The following ZNF503 variants were observed in gnomAD, a reference collection of about 807,000 sequenced individuals.
ZNF503 encodes NocA-like zinc finger 2.
Under a neutral mutation model 34.4 loss-of-function variants are expected in ZNF503, and 15 were observed. That is an observed-to-expected ratio of 0.44 (90% CI 0.29 to 0.67). The LOEUF (loss-of-function observed/expected upper bound fraction) is 0.67. Among genes scored for constraint, ZNF503 ranks in the 30% least tolerant of loss-of-function variants. The pLI is 0.13. For synonymous variants in ZNF503, 580 were observed against 456.8 expected, an observed-to-expected ratio of 1.27 and a Z score of -3.44; for missense variants, 1,007 against 926.8, an observed-to-expected ratio of 1.09 and a Z score of -1.12.
chr10:75,372,456 C>T, the ZNF503 span, among the ~76,000 whole-genome samples: 11 of 152,342 alleles, frequency 7.2e-5, no homozygotes, highest in African/African-American at 2.4e-4. Context: ...AGAGCAGAGA[C>T]AGTATCCACC....
chr10:75,304,889 G>A, the ZNF503 span, among the ~76,000 whole-genome samples: 1 of 152,050 alleles, frequency 6.6e-6, no homozygotes, highest in African/African-American at 2.4e-5. Flanking sequence ...AGAACTCACA[G>A]ATGACTCATT....
downstream of ZNF503, among the ~76,000 whole-genome samples, chr10:75,394,849 G>C (rs1843679286): frequency 6.6e-6 from 1 of 152,178 alleles, no homozygotes; most frequent in Non-Finnish European, 1.5e-5. Context: ...TCAGAAGCTG[G>C]TCCTTCTTCA....
At chr10:75,389,542 C>A in the ZNF503 span, among the ~76,000 whole-genome samples, 1 of 152,254 alleles carries the variant, frequency 6.6e-6, no homozygotes, top group East Asian at 1.9e-4. Context: ...CCAGCTTGGC[C>A]AACATGGTGA....
At chr10:75,300,294 A>G in the ZNF503 span, among the ~76,000 whole-genome samples, 1 of 152,348 alleles carries the variant, frequency 6.6e-6, no homozygotes, top group Non-Finnish European at 1.5e-5. Flanking sequence ...TATTCCCTGA[A>G]CAATTGCTGT....
In ZNF503 at chr10:75,399,483, C is replaced by T. The variant is rs557414546; in HGVS notation, c.1207G>A (p.Gly403Ser). 1.3e-6 allele frequency: 2 copies of T among 1,575,840 alleles called. No homozygotes were observed. Among genetic ancestry groups the T allele is most frequent in the South Asian group, 2.3e-5 (2 of 88,734 alleles). ...QLAAAAAGSL[G>S]CSKPAGSSPL... ...CTGGAGCCGGCCGGCTTACTGCAGCCCAGAGACCCGGCCGCGGCCGCCGCC... is the reference window on the plus strand; with the variant it reads ...CTGGAGCCGGCCGGCTTACTGCAGCTCAGAGACCCGGCCGCGGCCGCCGCC... Residue 403 changes from glycine (G) to serine (S), a missense_variant, in exon 2 of 2, where the codon GGC (glycine) becomes AGC (serine). Gly to Ser is a moderately conservative substitution (Grantham distance 56). Coordinates refer to ENST00000372524, the MANE Select transcript of ZNF503 (RefSeq NM_032772.6).
the ZNF503 span, among the ~76,000 whole-genome samples, chr10:75,300,995 C>A: frequency 6.6e-6 from 1 of 151,902 alleles, no homozygotes; most frequent in Non-Finnish European, 1.5e-5. Flanking sequence ...GGAGCCACCA[C>A]ACCTGGCCTC....
the ZNF503 span, among the ~76,000 whole-genome samples, chr10:75,378,102 G>A: frequency 6.6e-6 from 1 of 151,962 alleles, no homozygotes; most frequent in East Asian, 1.9e-4. Context: ...AGGCCGGGGA[G>A]GATGGTGTTA....
At chr10:75,332,947 A>G in the ZNF503 span, among the ~76,000 whole-genome samples, 6 of 143,356 alleles carry the variant, frequency 4.2e-5, no homozygotes, top group Non-Finnish European at 9.2e-5. Context: ...CTATTCCACA[A>G]AGCCGCCATT....
chr10:75,376,683 TTAA>T, the ZNF503 span, among the ~76,000 whole-genome samples: 1 of 152,014 alleles, frequency 6.6e-6, no homozygotes, highest in African/African-American at 2.4e-5. Context: ...TGAGACTGGT[TTAA>T]TACCTGAGAG....
At chr10:75,351,409 T>G in the ZNF503 span, among the ~76,000 whole-genome samples, 2,244 of 152,268 alleles carry the variant, frequency 0.015, 59 homozygotes, top group African/African-American at 0.051. Flanking sequence ...CGACCTTCAG[T>G]GATCTGCCCA....
At chr10:75,371,731 G>T in the ZNF503 span, among the ~76,000 whole-genome samples, 2 of 152,160 alleles carry the variant, frequency 1.3e-5, no homozygotes, top group African/African-American at 4.8e-5. Context: ...TCCAATCTAT[G>T]ATGGGAGTGA....
the ZNF503 span, among the ~76,000 whole-genome samples, chr10:75,353,819 C>T: frequency 2.6e-5 from 4 of 152,198 alleles, no homozygotes; most frequent in Non-Finnish European, 5.9e-5. Context: ...CCTCTCACCC[C>T]AAGATCCCAG....
At chr10:75,311,405 A>G in the ZNF503 span, among the ~76,000 whole-genome samples, 8 of 152,176 alleles carry the variant, frequency 5.3e-5, no homozygotes, top group Non-Finnish European at 1.0e-4. Context: ...TCATCCTTCA[A>G]TCCAATCAAA....
At chr10:75,383,433 A>G in the ZNF503 span, among the ~76,000 whole-genome samples, 3 of 151,692 alleles carry the variant, frequency 2.0e-5, no homozygotes, top group African/African-American at 4.8e-5. Flanking sequence ...GGATTTTCAG[A>G]CCTCCAGGGT....
chr10:75,318,637 C>A, the ZNF503 span, among the ~76,000 whole-genome samples: 1 of 148,458 alleles, frequency 6.7e-6, no homozygotes. Flanking sequence ...CCACTGCACT[C>A]CAGCCTGAGT....
chr10:75,351,294 C>G, the ZNF503 span, among the ~76,000 whole-genome samples: 1 of 152,174 alleles, frequency 6.6e-6, no homozygotes, highest in Admixed American at 6.5e-5. Flanking sequence ...GCCTCAGCCT[C>G]CTGAGTAGCT....
rs1424023357 is a variant in ZNF503, at chr10:75,401,648, G to C, written c.-229C>G. 4 of 537,428 alleles carry C rather than the reference G, an allele frequency of 7.4e-6. No homozygotes were observed. The highest frequency in any genetic ancestry group is 1.3e-5 in the Non-Finnish European group (4 of 315,268). The allele number at this position is 537,428 out of a possible 1,614,324, so 33.3% of individuals were successfully genotyped here. ...GCTAGAGGAGCCGGCTGGACTGCGG[G>C]AGTGCCGGGCGGCTCGCGGTGTCCG... On this transcript the variant is annotated 5_prime_UTR_variant, in exon 1 of 2. Transcript: ENST00000372524.
chr10:75,328,611 AT>A, the ZNF503 span, among the ~76,000 whole-genome samples: 1 of 149,952 alleles, frequency 6.7e-6, no homozygotes, highest in Non-Finnish European at 1.5e-5. Context: ...AAGTTTTAGG[AT>A]TTTTTTTTCT....
At chr10:75,372,685 A>T in the ZNF503 span, among the ~76,000 whole-genome samples, 1 of 152,186 alleles carries the variant, frequency 6.6e-6, no homozygotes, top group East Asian at 1.9e-4. Flanking sequence ...CGGTGTTTTC[A>T]GAGTTGACTG....
Sources: allele counts gnomAD v4.1 joint callset (sites outside exome capture counted in the v4.1 genomes callset), GRCh38; gene constraint gnomAD v4.1.1; transcripts MANE v1.5; gene names NCBI Gene and HGNC (gene_info 2026-07-23, HGNC 2026-07-21).